The following TNS3 variants were observed in gnomAD, a reference collection of about 807,000 sequenced individuals.
TNS3 encodes the protein tensin 3, also known as tensin-3.
In TNS3, 45 loss-of-function variants were observed where a neutral mutation model predicts 140.9. That is an observed-to-expected ratio of 0.32 (90% CI 0.25 to 0.41). The LOEUF (loss-of-function observed/expected upper bound fraction) is 0.41. Ranked by LOEUF, TNS3 falls within the 10% of genes least tolerant of loss-of-function variation. The pLI, the probability that TNS3 is intolerant of heterozygous loss-of-function variation, is 1.00. For missense variants in TNS3, 1,716 were observed against 1,906.7 expected, an observed-to-expected ratio of 0.90 and a Z score of 1.86; for synonymous variants, 815 against 788.4, an observed-to-expected ratio of 1.03 and a Z score of -0.56.
At chr7:47,479,949 C>A (rs1026445249) in intron 4 of TNS3, among the ~76,000 whole-genome samples, 4 of 151,850 alleles carry the variant, frequency 2.6e-5, no homozygotes, top group Admixed American at 6.6e-5. Flanking sequence ...GCCACCCCCA[C>A]GCCCACTGGG....
intron 3 of TNS3, among the ~76,000 whole-genome samples, chr7:47,482,624 C>T (rs1702009450): frequency 6.6e-6 from 1 of 152,186 alleles, no homozygotes; most frequent in African/African-American, 2.4e-5. Context: ...TCAGTGCACA[C>T]ATGCATCTTG....
In TNS3 at chr7:47,396,878, C is replaced by A. The variant is rs202108675; in HGVS notation, c.946G>T (p.Gly316Cys). 1 of 1,614,112 alleles carries A rather than the reference C, an allele frequency of 6.2e-7. No individual in the cohort carries two copies. The highest frequency in any genetic ancestry group is 8.5e-7 in the Non-Finnish European group (1 of 1,179,986). Residue 316 changes from glycine (G) to cysteine (C), a missense_variant, in exon 16 of 31, where the codon GGT becomes TGT. Physicochemically the swap from Gly to Cys is radical, Grantham distance 159. Around this residue, in one of 3 missense-constraint regions of TNS3, gnomAD observed 337 missense variants for 428.9 expected, o/e 0.79. Transcript: ENST00000311160. Reference sequence around the variant, plus strand: ...GTTGTGTTGTAGTCCACAATCACACCGTGGTCGTTGTACAAGTGTTCGGAC... The same window carrying A: ...GTTGTGTTGTAGTCCACAATCACACAGTGGTCGTTGTACAAGTGTTCGGAC... ...QGSEHLYNDHGVIVDYNTTDP... is the reference protein window; with the variant it reads ...QGSEHLYNDHCVIVDYNTTDP...
chr7:47,335,997 T>C (rs891560170), intron 20 of TNS3, among the ~76,000 whole-genome samples: 1 of 152,288 alleles, frequency 6.6e-6, no homozygotes, highest in East Asian at 1.9e-4. Context: ...TGCTGAGAGA[T>C]GCTTCGGACA....
chr7:47,446,688 CTTTT>C lies in TNS3; in HGVS notation c.-75-4637_-75-4634del, dbSNP rs144042398. 3.3e-4 allele frequency among the ~76,000 whole-genome samples: 32 copies of C among 96,726 alleles called. 1 individual carries two copies. The highest frequency in any genetic ancestry group is 1.2e-3 in the African/African-American group (27 of 22,044). The allele number at this position is 96,726 out of a possible 152,430, so 63.5% of individuals were successfully genotyped here. On this transcript the variant is annotated intron_variant, in intron 4 of 30. Coordinates refer to ENST00000311160, the MANE Select transcript of TNS3 (RefSeq NM_022748.12). Reference sequence around the variant, plus strand: ...CAAAGACCGCCCTGTTCCAGGCTGCCTTTTTTTTTTTTTTTTTTTTTTTTTGAGT... The same window carrying C: ...CAAAGACCGCCCTGTTCCAGGCTGCCTTTTTTTTTTTTTTTTTTTTTGAGT...
chr7:47,464,212 A>C (rs750521780), intron 4 of TNS3, among the ~76,000 whole-genome samples: 20 of 152,280 alleles, frequency 1.3e-4, no homozygotes, highest in Admixed American at 7.2e-4. Context: ...GAGGACCTCT[A>C]TTGATTTGGC....
intron 3 of TNS3, among the ~76,000 whole-genome samples, chr7:47,492,876 G>GCTCC (rs1797864837): frequency 6.6e-6 from 1 of 152,224 alleles, no homozygotes; most frequent in Admixed American, 6.5e-5. Context: ...AGCAGGAGGA[G>GCTCC]CTCCCACTGC....
intron 7 of TNS3, among the ~76,000 whole-genome samples, chr7:47,436,265 C>T (rs1011877804): frequency 6.6e-6 from 1 of 152,206 alleles, no homozygotes; most frequent in Non-Finnish European, 1.5e-5. Context: ...CTATACTCTA[C>T]TATTGTTAAC....
intron 13 of TNS3, among the ~76,000 whole-genome samples, chr7:47,408,799 C>A (rs1584590738): frequency 1.3e-5 from 2 of 152,258 alleles, no homozygotes; most frequent in South Asian, 4.1e-4. Flanking sequence ...GTGCCTCAAG[C>A]CTGGGATGCT....
chr7:47,565,971 A>C (rs562462476), intron 1 of TNS3, among the ~76,000 whole-genome samples: 2 of 152,320 alleles, frequency 1.3e-5, no homozygotes, highest in African/African-American at 4.8e-5. Context: ...CTGCAAAGCC[A>C]CATGGAACTT....
At chr7:47,397,337 T>G (rs1043233804) in intron 15 of TNS3, among the ~76,000 whole-genome samples, 3 of 152,136 alleles carry the variant, frequency 2.0e-5, no homozygotes, top group Non-Finnish European at 4.4e-5. Context: ...ACACAAGCCA[T>G]GTATTTAAAG....
At chr7:47,288,428 A>T in intron 27 of TNS3, among the ~76,000 whole-genome samples, 1 of 152,248 alleles carries the variant, frequency 6.6e-6, no homozygotes, top group South Asian at 2.1e-4. Context: ...CCACTAATTA[A>T]AGGTTTTCAA....
At position 47,469,381 on chromosome 7, in the gene TNS3, T is replaced by C. The variant is rs1177479626; in HGVS notation, c.-76+11722A>G. On this transcript the variant is annotated intron_variant, in intron 4 of 30. Coordinates refer to ENST00000311160, the MANE Select transcript of TNS3 (RefSeq NM_022748.12). ...ATCTCACACCAGTCAGAATGGCTATTATTAAAAAGTCAAAAAACATCAGAC... is the reference window on the plus strand; with the variant it reads ...ATCTCACACCAGTCAGAATGGCTATCATTAAAAAGTCAAAAAACATCAGAC... Among the ~76,000 whole-genome samples, 3 of 152,158 alleles carry C rather than the reference T, an allele frequency of 2.0e-5. No homozygotes were observed. In the East Asian group the frequency reaches 5.8e-4, roughly 29 times the overall value.
chr7:47,577,514 G>A (rs899175563), intron 1 of TNS3, among the ~76,000 whole-genome samples: 1 of 152,154 alleles, frequency 6.6e-6, no homozygotes, highest in African/African-American at 2.4e-5. Context: ...GCTGTGGGTG[G>A]GGACTGCACA....
chr7:47,452,107 G>T (rs1796040718), intron 4 of TNS3, among the ~76,000 whole-genome samples: 1 of 152,238 alleles, frequency 6.6e-6, no homozygotes, highest in Admixed American at 6.5e-5. Context: ...AAGTGCCAAA[G>T]AAATATTAGC....
intron 1 of TNS3, among the ~76,000 whole-genome samples, chr7:47,543,316 C>A (rs575166038): frequency 1.8e-4 from 28 of 152,326 alleles, no homozygotes; most frequent in South Asian, 2.1e-4. Flanking sequence ...CAAACATCTT[C>A]ACACCTGTTC....
intron 21 of TNS3, 150 bp downstream of exon 21, chr7:47,304,682 G>T: frequency 2.8e-6 from 2 of 716,578 alleles, no homozygotes; most frequent in Non-Finnish European, 3.9e-6. Context: ...CACAGCCCTG[G>T]TCCCCTGCCC....
intron 1 of TNS3, among the ~76,000 whole-genome samples, chr7:47,559,408 T>C (rs967874700): frequency 1.3e-5 from 2 of 152,176 alleles, no homozygotes; most frequent in Non-Finnish European, 2.9e-5. Context: ...TTTTTAATAA[T>C]GGGAGCGGGA....
At chr7:47,541,596 G>A (rs1799789502) in intron 1 of TNS3, among the ~76,000 whole-genome samples, 1 of 152,110 alleles carries the variant, frequency 6.6e-6, no homozygotes, top group Admixed American at 6.5e-5. Flanking sequence ...GATAATATTG[G>A]ATTATGACCC....
intron 1 of TNS3, among the ~76,000 whole-genome samples, chr7:47,569,891 G>A (rs867995303): frequency 6.6e-6 from 1 of 151,880 alleles, no homozygotes; most frequent in African/African-American, 2.4e-5. Flanking sequence ...GCTCACGCCT[G>A]TAATCCCAGC....
Sources: allele counts gnomAD v4.1 joint callset (sites outside exome capture counted in the v4.1 genomes callset), GRCh38; gene constraint gnomAD v4.1.1; regional missense constraint gnomAD v4.1.1; transcripts MANE v1.5; gene names NCBI Gene and HGNC (gene_info 2026-07-23, HGNC 2026-07-21).